The following WDR27 variants were observed in gnomAD, a reference collection of about 807,000 sequenced individuals.
WDR27 encodes WD repeat domain 27.
Under a neutral mutation model 114.4 loss-of-function variants are expected in WDR27, and 100 were observed. That is an observed-to-expected ratio of 0.87 (90% CI 0.74 to 1.03). The LOEUF (loss-of-function observed/expected upper bound fraction) is 1.03. Among genes scored for constraint, WDR27 ranks in the 50% least tolerant of loss-of-function variants. The probability of loss-of-function intolerance (pLI) is 0.00; values close to 1 mark genes in which losing one functional copy is unlikely to be tolerated. For missense variants in WDR27, 1,129 were observed against 1,092.9 expected, an observed-to-expected ratio of 1.03 and a Z score of -0.47; for synonymous variants, 449 against 423.1, an observed-to-expected ratio of 1.06 and a Z score of -0.75.
At chr6:169,553,123 G>C (rs1380281985) in intron 25 of WDR27, among the ~76,000 whole-genome samples, 1 of 151,356 alleles carries the variant, frequency 6.6e-6, no homozygotes, top group East Asian at 2.0e-4. Context: ...GGGCCTGGGC[G>C]GGGACGCCAT....
intron 25 of WDR27, among the ~76,000 whole-genome samples, chr6:169,508,007 G>A (rs532637123): frequency 9.9e-5 from 15 of 152,280 alleles, no homozygotes; most frequent in Admixed American, 5.2e-4. Context: ...GTCAAAACAC[G>A]AAGAGAAAAG....
At chr6:169,563,292 C>T (rs535151909) in intron 25 of WDR27, among the ~76,000 whole-genome samples, 2 of 152,058 alleles carry the variant, frequency 1.3e-5, no homozygotes, top group Non-Finnish European at 2.9e-5. Flanking sequence ...GAAATGGAGT[C>T]GGTGAAAAAG....
At chr6:169,564,918 C>T (rs777525576) in intron 25 of WDR27, among the ~76,000 whole-genome samples, 86 of 152,250 alleles carry the variant, frequency 5.6e-4, no homozygotes, top group Admixed American at 7.8e-4. Context: ...GGACCCCACA[C>T]GCAACCACAG....
At chr6:169,470,737 A>T (rs754447176) in intron 25 of WDR27, among the ~76,000 whole-genome samples, 2 of 152,132 alleles carry the variant, frequency 1.3e-5, no homozygotes, top group Admixed American at 6.5e-5. Context: ...TTTAACCTTA[A>T]TCACCTCCTA....
chr6:169,621,549 TACAC>T (rs901429107), intron 21 of WDR27, among the ~76,000 whole-genome samples: 7 of 126,292 alleles, frequency 5.5e-5, no homozygotes, highest in Non-Finnish European at 6.7e-5. Context: ...CGCATATACA[TACAC>T]ACACGCATTC....
chr6:169,464,208 G>A (rs1331563330), intron 25 of WDR27, among the ~76,000 whole-genome samples: 1 of 152,174 alleles, frequency 6.6e-6, no homozygotes, highest in Non-Finnish European at 1.5e-5. Flanking sequence ...GGATAGAATA[G>A]AAGGCCCAAA....
chr6:169,700,980 G>A (rs1429608729), intron 1 of WDR27, among the ~76,000 whole-genome samples: 1 of 152,144 alleles, frequency 6.6e-6, no homozygotes, highest in Non-Finnish European at 1.5e-5. Context: ...CTAACACTAG[G>A]TAAGCACTTC....
intron 21 of WDR27, among the ~76,000 whole-genome samples, chr6:169,620,472 AATG>A (rs1382731857): frequency 6.6e-6 from 1 of 152,144 alleles, no homozygotes; most frequent in East Asian, 1.9e-4. Flanking sequence ...TTTATGTAAA[AATG>A]ATGATTCACT....
At chr6:169,690,937 C>T (rs540552753) in intron 1 of WDR27, among the ~76,000 whole-genome samples, 10 of 152,120 alleles carry the variant, frequency 6.6e-5, no homozygotes, top group African/African-American at 9.7e-5. Flanking sequence ...CAAAAGAGGC[C>T]GGGCACGGTC....
At chr6:169,600,896 T>C (rs1192097891) in intron 23 of WDR27, among the ~76,000 whole-genome samples, 1 of 152,242 alleles carries the variant, frequency 6.6e-6, no homozygotes, top group Non-Finnish European at 1.5e-5. Context: ...CTTTGCCCGA[T>C]GTTATCCAGG....
At chr6:169,470,486 G>A (rs1032472572) in intron 25 of WDR27, among the ~76,000 whole-genome samples, 6 of 152,176 alleles carry the variant, frequency 3.9e-5, no homozygotes, top group Non-Finnish European at 7.3e-5. Flanking sequence ...TATACTACAT[G>A]GCTTGAAAAA....
At position 169,670,611 on chromosome 6, in the gene WDR27, A is replaced by G. The variant is rs1778458678; in HGVS notation, c.414T>C (p.Val138=). ...ATATTTTGTTTCCAGCACACACGGC[A>G]ACAACATGATCATCCAGGCTCAACT... ...CLQLSLDDHV[V]AVCAGNKIFM... is the part of the protein sequence containing the mutation. The change falls in exon 4 of 26, where the codon GTT becomes GTC. Residue 138 remains valine, a synonymous_variant. Coordinates refer to ENST00000448612, the MANE Select transcript of WDR27 (RefSeq NM_182552.5). 6.2e-7 allele frequency: 1 copy of G among 1,613,850 alleles called. No homozygotes were observed. Among genetic ancestry groups the G allele is most frequent in the Non-Finnish European group, 8.5e-7 (1 of 1,179,896 alleles).
chr6:169,542,125 AT>A (rs1796916875), intron 25 of WDR27, among the ~76,000 whole-genome samples: 3 of 152,196 alleles, frequency 2.0e-5, no homozygotes, highest in Admixed American at 1.3e-4. Flanking sequence ...GGAGGTAAAA[AT>A]GTATATGCAA....
intron 22 of WDR27, among the ~76,000 whole-genome samples, chr6:169,610,396 G>A (rs1354785038): frequency 1.3e-5 from 2 of 152,198 alleles, no homozygotes; most frequent in African/African-American, 2.4e-5. Flanking sequence ...CACAATCATG[G>A]TGGAAGGCAA....
chr6:169,664,953 CCGGGGCGCGGGCAGCG>C lies in WDR27; in HGVS notation c.783+517_783+532del, dbSNP rs1372466665. ...CACAGGAGCCGTCCAGGGCGCCTCT[CCGGGGCGCGGGCAGCG>C]TGCGGGCACGGGGGATGCCACACAG... On this transcript the variant is annotated intron_variant, in intron 7 of 25. Transcript: ENST00000448612. 145 of 34,342 alleles carry C rather than the reference CCGGGGCGCGGGCAGCG, an allele frequency of 4.2e-3. 62 individuals carry two copies. Among genetic ancestry groups the C allele is most frequent in the Middle Eastern group, 0.04 (2 of 50 alleles). 2.1% of individuals were successfully genotyped at this position (34,342 alleles called of 1,614,324 possible).
At chr6:169,438,489 G>A in the WDR27 span, among the ~76,000 whole-genome samples, 14 of 151,958 alleles carry the variant, frequency 9.2e-5, no homozygotes, top group Admixed American at 7.2e-4. Context: ...TGCCCACCTC[G>A]GCCTCCCAAA....
At chr6:169,647,573 C>A in intron 16 of WDR27, 200 bp downstream of exon 16, 1 of 648,996 alleles carries the variant, frequency 1.5e-6, no homozygotes, top group Non-Finnish European at 2.8e-6. Flanking sequence ...GGTGAGATGC[C>A]TGGAGATCAC....
intron 25 of WDR27, among the ~76,000 whole-genome samples, chr6:169,533,176 A>C (rs4140612): frequency 0.099 from 15,050 of 151,860 alleles, 1,814 homozygotes; most frequent in East Asian, 0.59. Flanking sequence ...TTAGCAAGGG[A>C]GGTAGTGGAG....
At chr6:169,586,372 C>T (rs1228171127) in intron 23 of WDR27, among the ~76,000 whole-genome samples, 3 of 152,132 alleles carry the variant, frequency 2.0e-5, no homozygotes. Flanking sequence ...TCCAGATTTT[C>T]ATGATGCTCT....
Sources: allele counts gnomAD v4.1 joint callset (sites outside exome capture counted in the v4.1 genomes callset), GRCh38; gene constraint gnomAD v4.1.1; transcripts MANE v1.5; gene names NCBI Gene and HGNC (gene_info 2026-07-23, HGNC 2026-07-21).